HLCS: variants seen among roughly 807,000 people sequenced by gnomAD.
HLCS encodes the protein holocarboxylase synthetase.
A neutral mutation model predicts 75.0 loss-of-function variants in HLCS; 53 were observed. That is an observed-to-expected ratio of 0.71 (90% CI 0.57 to 0.89). The LOEUF (loss-of-function observed/expected upper bound fraction) is 0.89, where lower values mean the gene tolerates loss of function less well. HLCS is among the 40% of genes least tolerant of loss of function. HLCS has a pLI of 0.00. For synonymous variants in HLCS, 431 were observed against 428.6 expected, an observed-to-expected ratio of 1.01 and a Z score of -0.07; for missense variants, 966 against 1,074.0, an observed-to-expected ratio of 0.90 and a Z score of 1.41.
chr21:36,830,821 CAAAAA>C (rs34494258), intron 6 of HLCS, among the ~76,000 whole-genome samples: 9 of 62,004 alleles, frequency 1.5e-4, no homozygotes, highest in African/African-American at 4.4e-4. Flanking sequence ...GACCCTCTCT[CAAAAA>C]AAAAAAAAAA....
intron 6 of HLCS, among the ~76,000 whole-genome samples, chr21:36,823,945 T>G (rs1466237528): frequency 3.3e-5 from 5 of 152,132 alleles, no homozygotes; most frequent in Non-Finnish European, 7.3e-5. Context: ...CCATGTTTGC[T>G]GGAATACCAA....
chr21:36,816,075 T>C (rs2061655115), intron 6 of HLCS, among the ~76,000 whole-genome samples: 3 of 152,170 alleles, frequency 2.0e-5, no homozygotes, highest in Non-Finnish European at 4.4e-5. Context: ...GTACAATGGC[T>C]AAGAGTACCA....
At position 36,751,821 on chromosome 21, in the gene HLCS, A is replaced by AATACGGTCGATAC. The variant is rs1413119561; in HGVS notation, c.*2412_*2424dup. ...AGGGAGGATATCTTGCCTTTTACAA[A>AATACGGTCGATAC]ATACGGTCGATACTCAATGCACAGC... On this transcript the variant is annotated 3_prime_UTR_variant, in exon 11 of 11. Coordinates refer to ENST00000674895, the MANE Select transcript of HLCS (RefSeq NM_001352514.2). 1 of 152,152 alleles carries AATACGGTCGATAC rather than the reference A, an allele frequency of 6.6e-6. No individual in the cohort carries two copies. Among genetic ancestry groups the AATACGGTCGATAC allele is most frequent in the Non-Finnish European group, 1.5e-5 (1 of 68,038 alleles). 9.4% of individuals were successfully genotyped at this position (152,152 alleles called of 1,614,324 possible). A position where few individuals can be genotyped will look rare whatever the true frequency, so the allele number is the denominator to read the frequency against.
At chr21:36,832,295 G>T (rs969240286) in intron 6 of HLCS, among the ~76,000 whole-genome samples, 1 of 152,160 alleles carries the variant, frequency 6.6e-6, no homozygotes, top group Non-Finnish European at 1.5e-5. Flanking sequence ...GGAAGACAAA[G>T]ATTTCCCTGA....
chr21:36,922,921 C>T (rs2066236058), intron 5 of HLCS, among the ~76,000 whole-genome samples: 1 of 152,230 alleles, frequency 6.6e-6, no homozygotes, highest in Admixed American at 6.5e-5. Flanking sequence ...ATTCACATCC[C>T]AAGAACTGAA....
chr21:36,945,489 T>C (rs943866925), intron 2 of HLCS, among the ~76,000 whole-genome samples: 1 of 152,206 alleles, frequency 6.6e-6, no homozygotes, highest in African/African-American at 2.4e-5. Context: ...GGAATGAGAA[T>C]GAACTACTGA....
intron 5 of HLCS, among the ~76,000 whole-genome samples, chr21:36,907,612 T>C (rs1051875420): frequency 6.6e-6 from 1 of 151,664 alleles, no homozygotes; most frequent in Non-Finnish European, 1.5e-5. Context: ...GTTGAGATCA[T>C]GCGCACTCCA....
At chr21:36,947,697 A>C (rs917987260) in intron 2 of HLCS, 2 of 985,342 alleles carry the variant, frequency 2.0e-6, no homozygotes, top group South Asian at 9.4e-5. Context: ...CAGGCAAGGC[A>C]TATCTTCTCT....
At chr21:36,820,983 C>T (rs1474618695) in intron 6 of HLCS, among the ~76,000 whole-genome samples, 1 of 152,164 alleles carries the variant, frequency 6.6e-6, no homozygotes, top group Non-Finnish European at 1.5e-5. Context: ...CTAGTGCCAG[C>T]CCTAGCGCCT....
At chr21:36,754,899 CCTT>C (rs1381344080) in intron 10 of HLCS, among the ~76,000 whole-genome samples, 1 of 152,158 alleles carries the variant, frequency 6.6e-6, no homozygotes, top group Non-Finnish European at 1.5e-5. Context: ...CAAGTCACGT[CCTT>C]CTTAACAGCT....
chr21:36,772,979 C>CA (rs35402890), intron 6 of HLCS, among the ~76,000 whole-genome samples: 39,781 of 103,192 alleles, frequency 0.39, 7,394 homozygotes, highest in East Asian at 0.7. Context: ...GACTCCATCT[C>CA]AAAAAAAAAA....
rs1159792714 is a variant in HLCS at position 36,966,612 on chromosome 21, G to A, written c.27C>T (p.Tyr9=). 3.9e-5 allele frequency: 39 copies of A among 991,172 alleles called. No individual in the cohort carries two copies. Among genetic ancestry groups the A allele is most frequent in the South Asian group, 1.8e-4 (4 of 21,928 alleles). The allele number at this position is 991,172 out of a possible 1,614,324, so 61.4% of individuals were successfully genotyped here. Residue 9 remains tyrosine, a synonymous_variant, in exon 1 of 11, where the codon TAC becomes TAT. Coordinates refer to ENST00000674895, the MANE Select transcript of HLCS (RefSeq NM_001352514.2). The part of the protein sequence containing the change: MLITLCYL[Y]LWARWGRRPA... ...GCCGGCGACCCCAGCGCGCCCACAG[G>A]TACAGGTAGCACAGCGTGATGAGCA... is the stretch of plus-strand genomic sequence containing the variant.
At chr21:36,888,395 G>C (rs1434932225) in intron 6 of HLCS, among the ~76,000 whole-genome samples, 1 of 134,838 alleles carries the variant, frequency 7.4e-6, no homozygotes, top group African/African-American at 2.9e-5. Context: ...AATGACTGCA[G>C]CTATTCTCCC....
intron 6 of HLCS, among the ~76,000 whole-genome samples, chr21:36,843,627 T>A (rs941832371): frequency 6.6e-6 from 1 of 152,178 alleles, no homozygotes; most frequent in Non-Finnish European, 1.5e-5. Flanking sequence ...AATTCAAAGT[T>A]ACTAGTGTGC....
At chr21:36,775,823 C>A (rs1426304918) in intron 6 of HLCS, among the ~76,000 whole-genome samples, 1 of 152,216 alleles carries the variant, frequency 6.6e-6, no homozygotes, top group Non-Finnish European at 1.5e-5. Context: ...AGAGGATGGA[C>A]ACCGACTCAC....
chr21:36,755,918 A>T (rs1450077082), intron 10 of HLCS, among the ~76,000 whole-genome samples: 1 of 152,218 alleles, frequency 6.6e-6, no homozygotes, highest in Non-Finnish European at 1.5e-5. Context: ...GGAAGGTTTG[A>T]CAATTTAGAT....
At chr21:36,967,192 G>C (rs1202914103), upstream of HLCS, among the ~76,000 whole-genome samples, 1 of 152,176 alleles carries the variant, frequency 6.6e-6, no homozygotes, top group Non-Finnish European at 1.5e-5. Flanking sequence ...GGGAGTCCCA[G>C]AGCGCTCCAC....
chr21:36,797,749 T>G (rs2061069865), intron 6 of HLCS, among the ~76,000 whole-genome samples: 1 of 152,232 alleles, frequency 6.6e-6, no homozygotes, highest in Non-Finnish European at 1.5e-5. Context: ...TGCAATGGTT[T>G]GCAACTTGGT....
At chr21:36,923,196 G>A (rs1348218554) in intron 5 of HLCS, among the ~76,000 whole-genome samples, 3 of 152,188 alleles carry the variant, frequency 2.0e-5, no homozygotes, top group Non-Finnish European at 2.9e-5. Flanking sequence ...GTGTGAGAAT[G>A]TTCTAAGCCC....
Sources: allele counts gnomAD v4.1 joint callset (sites outside exome capture counted in the v4.1 genomes callset), GRCh38; gene constraint gnomAD v4.1.1; transcripts MANE v1.5; gene names NCBI Gene and HGNC (gene_info 2026-07-23, HGNC 2026-07-21).